PELI2: variants seen among roughly 807,000 people sequenced by gnomAD.
PELI2 encodes E3 ubiquitin-protein ligase pellino homolog 2.
PELI2 carries 23 observed loss-of-function variants against 42.3 expected under a neutral mutation model. The ratio of observed to expected loss-of-function variants is 0.54; its 90% CI spans 0.39 to 0.77. The LOEUF is 0.77. PELI2 is among the 30% of genes least tolerant of loss of function. PELI2 has a pLI of 0.00. For missense variants in PELI2, 463 were observed against 553.2 expected (o/e 0.84, Z 1.64); for synonymous variants, 245 against 212.2 (o/e 1.15, Z -1.34).
intron 2 of PELI2, among the ~76,000 whole-genome samples, chr14:56,186,036 G>C (rs1193578097): frequency 2.0e-5 from 3 of 152,126 alleles, no homozygotes; most frequent in African/African-American, 7.2e-5. Flanking sequence ...AAAATAGGGA[G>C]ATTATCCTGG....
At chr14:56,223,681 G>A (rs1044204891) in intron 2 of PELI2, among the ~76,000 whole-genome samples, 11 of 152,104 alleles carry the variant, frequency 7.2e-5, no homozygotes, top group African/African-American at 1.2e-4. Context: ...GAAAATATTT[G>A]ATCATTTATT....
At chr14:56,129,663 G>A (rs554005753) in intron 1 of PELI2, among the ~76,000 whole-genome samples, 42 of 152,172 alleles carry the variant, frequency 2.8e-4, no homozygotes, top group Non-Finnish European at 5.0e-4. Context: ...CTAGGGGATC[G>A]CCCTCAGGAG....
intron 1 of PELI2, among the ~76,000 whole-genome samples, chr14:56,126,541 G>A (rs1376055847): frequency 6.6e-6 from 1 of 152,166 alleles, no homozygotes; most frequent in African/African-American, 2.4e-5. Flanking sequence ...TTTAACCAGA[G>A]CGAGCAGTTG....
At chr14:56,158,898 T>A (rs1884660919) in intron 1 of PELI2, among the ~76,000 whole-genome samples, 1 of 152,240 alleles carries the variant, frequency 6.6e-6, no homozygotes, top group Non-Finnish European at 1.5e-5. Flanking sequence ...TATTACCATC[T>A]GTCTTCTTTA....
Position 56,273,162 on chromosome 14 carries a change from A to G in PELI2, c.208-6514A>G, listed in dbSNP as rs1021726316. ...GATCCACTCTCACAGAGGCTTCTCCATGCACATGTCTGCATCTTGGTGCTC... is the reference window on the plus strand; with the variant it reads ...GATCCACTCTCACAGAGGCTTCTCCGTGCACATGTCTGCATCTTGGTGCTC... On this transcript the variant is annotated intron_variant, in intron 2 of 5. Coordinates refer to ENST00000267460, the MANE Select transcript of PELI2 (RefSeq NM_021255.3). The surrounding 1 kb of genome is among the most constrained non-coding windows in gnomAD (Gnocchi z 4.3). Among the ~76,000 whole-genome samples the G allele has an allele frequency of 3.3e-5, 5 of 152,214 alleles. No homozygotes were observed. The highest frequency in any genetic ancestry group is 2.9e-5 in the Non-Finnish European group (2 of 68,038).
intron 2 of PELI2, among the ~76,000 whole-genome samples, chr14:56,222,473 C>T (rs1478110261): frequency 6.6e-6 from 1 of 152,208 alleles, no homozygotes; most frequent in Non-Finnish European, 1.5e-5. Flanking sequence ...CACCACGTGC[C>T]TGTGCCAGAC....
At chr14:56,189,855 A>G (rs910807678) in intron 2 of PELI2, among the ~76,000 whole-genome samples, 3 of 152,244 alleles carry the variant, frequency 2.0e-5, no homozygotes, top group Non-Finnish European at 4.4e-5. Context: ...ACAGCAGTGA[A>G]GGTTTAACAA....
chr14:56,148,355 T>A (rs1264943792), intron 1 of PELI2, among the ~76,000 whole-genome samples: 1 of 152,218 alleles, frequency 6.6e-6, no homozygotes, highest in Admixed American at 6.5e-5. Context: ...TGTAAAAATG[T>A]ATGCGCATGT....
At chr14:56,173,449 A>C (rs2139659374) in intron 1 of PELI2, among the ~76,000 whole-genome samples, 1 of 152,130 alleles carries the variant, frequency 6.6e-6, no homozygotes, top group South Asian at 2.1e-4. Context: ...AACAACTCTA[A>C]AATTTTTCTC....
chr14:56,281,437 A>G (rs1041896457), intron 3 of PELI2, among the ~76,000 whole-genome samples: 1 of 152,162 alleles, frequency 6.6e-6, no homozygotes, highest in African/African-American at 2.4e-5. Context: ...TAGGTATGGA[A>G]GAGAGATGGG....
intron 2 of PELI2, among the ~76,000 whole-genome samples, chr14:56,242,002 TC>T (rs1282190732): frequency 6.6e-6 from 1 of 152,158 alleles, no homozygotes; most frequent in Non-Finnish European, 1.5e-5. Context: ...CAAAGGGAAT[TC>T]CCAGGATGGT....
At chr14:56,254,084 A>G (rs747840680) in intron 2 of PELI2, among the ~76,000 whole-genome samples, 3 of 152,192 alleles carry the variant, frequency 2.0e-5, no homozygotes, top group Non-Finnish European at 4.4e-5. Context: ...GACAAAAGCA[A>G]TGGGGAAAGG....
intron 2 of PELI2, among the ~76,000 whole-genome samples, chr14:56,233,605 CA>C (rs1887670507): frequency 6.6e-6 from 1 of 152,106 alleles, no homozygotes; most frequent in South Asian, 2.1e-4. Flanking sequence ...AAAATTAACT[CA>C]AGATGGATTA....
intron 2 of PELI2, among the ~76,000 whole-genome samples, chr14:56,270,550 A>C (rs887993464): frequency 6.6e-6 from 1 of 152,216 alleles, no homozygotes; most frequent in Non-Finnish European, 1.5e-5. Context: ...TATGTTTGTC[A>C]TACCAGGATT....
At chr14:56,272,994 TTGTTGTGTAG>T (rs1889156738) in intron 2 of PELI2, among the ~76,000 whole-genome samples, 1 of 152,204 alleles carries the variant, frequency 6.6e-6, no homozygotes, top group South Asian at 2.1e-4. Flanking sequence ...CAGTTGTCTT[TTGTTGTGTAG>T]AAAACTACCA....
At chr14:56,144,733 A>T (rs1411189725) in intron 1 of PELI2, among the ~76,000 whole-genome samples, 1 of 152,218 alleles carries the variant, frequency 6.6e-6, no homozygotes, top group Non-Finnish European at 1.5e-5. Flanking sequence ...TTTTGTAAAG[A>T]CATGATGAAT....
intron 1 of PELI2, among the ~76,000 whole-genome samples, chr14:56,135,159 A>G (rs1029396642): frequency 6.6e-6 from 1 of 152,218 alleles, no homozygotes; most frequent in Non-Finnish European, 1.5e-5. Context: ...CTACACAGAC[A>G]CAAATCTGGT....
chr14:56,156,174 C>G (rs1884559352), intron 1 of PELI2, among the ~76,000 whole-genome samples: 1 of 152,068 alleles, frequency 6.6e-6, no homozygotes, highest in Non-Finnish European at 1.5e-5. Flanking sequence ...TTCTCAGTAT[C>G]TGTAGTAAGT....
At position 56,159,212 on chromosome 14, in the gene PELI2, C is replaced by T. The variant is rs75943721; in HGVS notation, c.78-19123C>T. 2.8e-4 allele frequency among the ~76,000 whole-genome samples: 42 copies of T among 152,298 alleles called. No individual in the cohort carries two copies. The East Asian group carries it at 6.2e-3, about 22-fold the overall frequency. ...AAACAATTGTTTGCTCTCTCGACTC[C>T]GTGGGCTGGTTGAGGAGGCACTGCT... On this transcript the variant is annotated intron_variant, in intron 1 of 5. Transcript: ENST00000267460.
Sources: gnomAD v4.1 joint callset for allele counts (sites outside exome capture counted in the v4.1 genomes callset) on GRCh38, gnomAD v4.1.1 for gene constraint, Gnocchi (gnomAD v3.1) non-coding constraint, MANE v1.5 for transcripts, NCBI Gene and HGNC (gene_info 2026-07-23, HGNC 2026-07-21) for gene names.